The following VSTM2A variants were observed in gnomAD, a reference collection of about 807,000 sequenced individuals.
VSTM2A encodes the protein V-set and transmembrane domain containing 2A.
VSTM2A carries 13 observed loss-of-function variants against 27.3 expected under a neutral mutation model. That is an observed-to-expected ratio of 0.48 (90% CI 0.31 to 0.76). VSTM2A has a LOEUF of 0.76. Among genes scored for constraint, VSTM2A ranks in the 30% least tolerant of loss-of-function variants. The pLI, the probability that VSTM2A is intolerant of heterozygous loss-of-function variation, is 0.05. For missense variants in VSTM2A, 280 were observed against 310.0 expected (o/e 0.90, Z 0.73); for synonymous variants, 142 against 125.7 (o/e 1.13, Z -0.87).
intron 4 of VSTM2A, chr7:54,559,503 G>A (rs996723389): frequency 8.6e-5 from 13 of 152,028 alleles, no homozygotes; most frequent in African/African-American, 2.7e-4. Flanking sequence ...CATCATAAAG[G>A]TTACAGTGAA....
Position 54,542,764 on chromosome 7 carries a change from G to A in VSTM2A, c.34G>A (p.Val12Ile). The change falls in exon 1 of 5, where the codon GTT (valine) becomes ATT (isoleucine). Residue 12 changes from valine (V) to isoleucine (I), a missense_variant. Val to Ile is a conservative substitution (Grantham distance 29). Coordinates refer to ENST00000402613, the MANE Select transcript of VSTM2A (RefSeq NM_001301009.2). The part of the protein sequence containing the change: ...MGIFLVYVGF[V>I]FFSVLYVQQG... The stretch of plus-strand genomic sequence containing the variant: ...GATCTTTTTGGTGTATGTTGGATTT[G>A]TTTTCTTTTCCGTTTTATATGTACA... 1 of 1,613,764 alleles carries A rather than the reference G, an allele frequency of 6.2e-7. No homozygotes were observed. Among genetic ancestry groups the A allele is most frequent in the Non-Finnish European group, 8.5e-7 (1 of 1,179,818 alleles).
intron 3 of VSTM2A, chr7:54,547,230 G>A: frequency 2.2e-6 from 1 of 447,142 alleles, no homozygotes; most frequent in South Asian, 5.3e-5. Context: ...TATCCAGAGA[G>A]GTTGTGTGAC....
chr7:54,568,350 A>G (rs1249813480), intron 4 of VSTM2A, among the ~76,000 whole-genome samples: 1 of 152,194 alleles, frequency 6.6e-6, no homozygotes, highest in Non-Finnish European at 1.5e-5. Flanking sequence ...TTTGATCCTC[A>G]TCACATTTTT....
In VSTM2A at chr7:54,569,442, A is replaced by C; in HGVS notation, c.*223A>C. 1.4e-6 allele frequency: 1 copy of C among 701,798 alleles called. No individual in the cohort carries two copies. The highest frequency in any genetic ancestry group is 3.0e-5 in the East Asian group (1 of 33,398). 43.5% of individuals were successfully genotyped at this position (701,798 alleles called of 1,614,324 possible). On this transcript the variant is annotated 3_prime_UTR_variant, in exon 5 of 5. Transcript: ENST00000402613. ...AAGGGTTGGCCTGAATGTCATCAGG[A>C]TAGGGAATATTTACTATGGATACCA...
intron 3 of VSTM2A, among the ~76,000 whole-genome samples, chr7:54,548,074 A>G (rs1487295167): frequency 6.6e-6 from 1 of 152,184 alleles, no homozygotes; most frequent in Non-Finnish European, 1.5e-5. Flanking sequence ...GAAAAGCTTT[A>G]TTGGTAAAAT....
chr7:54,556,140 T>C lies in VSTM2A; in HGVS notation c.634+5970T>C, dbSNP rs139901967. The stretch of plus-strand genomic sequence containing the variant: ...TAGAGGCTCTGTTCTGTTGCTCTTA[T>C]TGTTTCCAATGTTGGGATGGACTTT... On this transcript the variant is annotated intron_variant, in intron 4 of 4. Transcript: ENST00000402613. Among the ~76,000 whole-genome samples the C allele has an allele frequency of 3.4e-3, 514 of 152,318 alleles. 2 individuals carry two copies. Among genetic ancestry groups the C allele is most frequent in the African/African-American group, 0.011 (466 of 41,562 alleles).
intron 4 of VSTM2A, 57 bp from the exon 5 acceptor site, chr7:54,569,074 G>T: frequency 6.2e-7 from 1 of 1,605,568 alleles, no homozygotes; most frequent in Non-Finnish European, 8.5e-7. Context: ...TGTGAAGGGT[G>T]CTTTGCTTTA....
chr7:54,567,372 G>A (rs1788755989), intron 4 of VSTM2A, among the ~76,000 whole-genome samples: 1 of 152,070 alleles, frequency 6.6e-6, no homozygotes, highest in Non-Finnish European at 1.5e-5. Flanking sequence ...TGCATAATTG[G>A]GTTTCTTTTT....
At chr7:54,548,565 C>T (rs990881151) in intron 3 of VSTM2A, among the ~76,000 whole-genome samples, 1 of 152,078 alleles carries the variant, frequency 6.6e-6, no homozygotes, top group African/African-American at 2.4e-5. Flanking sequence ...AAATCACTGA[C>T]CCAAACACCC....
intron 4 of VSTM2A, among the ~76,000 whole-genome samples, chr7:54,557,540 G>A (rs941439200): frequency 6.6e-6 from 1 of 151,868 alleles, no homozygotes. Flanking sequence ...CACCATGTTG[G>A]CCAGGCTGGT....
intron 1 of VSTM2A, among the ~76,000 whole-genome samples, chr7:54,543,236 G>A (rs1787842259): frequency 4.6e-5 from 7 of 152,070 alleles, no homozygotes; most frequent in Admixed American, 4.6e-4. Context: ...TTGTAGGTCC[G>A]TGTGACTCCT....
intron 4 of VSTM2A, among the ~76,000 whole-genome samples, chr7:54,557,668 A>C (rs1417988857): frequency 1.3e-5 from 2 of 152,134 alleles, no homozygotes; most frequent in Admixed American, 6.6e-5. Flanking sequence ...ACTATACTAT[A>C]ATCCTCACAG....
chr7:54,555,354 A>G (rs2115854360), intron 4 of VSTM2A, among the ~76,000 whole-genome samples: 1 of 152,302 alleles, frequency 6.6e-6, no homozygotes, highest in Non-Finnish European at 1.5e-5. Flanking sequence ...GTCTAACTCC[A>G]GCCTTGTTTC....
At chr7:54,551,333 A>G (rs1233473250) in intron 4 of VSTM2A, 1 of 152,188 alleles carries the variant, frequency 6.6e-6, no homozygotes, top group East Asian at 1.9e-4. Context: ...GTTTTCTCTT[A>G]ATGCTTTACT....
intron 1 of VSTM2A, 144 bp downstream of exon 1, chr7:54,542,953 ATT>A: frequency 1.3e-6 from 1 of 769,444 alleles, no homozygotes; most frequent in South Asian, 1.8e-5. Context: ...CTGTTTGACG[ATT>A]TTTTTTAAAG....
At chr7:54,547,176 AT>A in intron 3 of VSTM2A, 179 bp downstream of exon 3, 1 of 589,664 alleles carries the variant, frequency 1.7e-6, no homozygotes, top group Non-Finnish European at 2.7e-6. Context: ...AAAATTACAT[AT>A]TTTAGTCACG....
intron 4 of VSTM2A, among the ~76,000 whole-genome samples, chr7:54,560,473 G>C (rs1788521326): frequency 1.3e-5 from 2 of 152,108 alleles, no homozygotes; most frequent in Admixed American, 1.3e-4. Context: ...CTGTCAATGA[G>C]ATGACTCACA....
In VSTM2A at chr7:54,563,123, G is replaced by T. The variant is rs528933596; in HGVS notation, c.635-6008G>T. Among the ~76,000 whole-genome samples the T allele has an allele frequency of 7.2e-5, 11 of 152,180 alleles. No homozygotes were observed. The Middle Eastern group carries it at 0.01, about 141-fold the overall frequency. On this transcript the variant is annotated intron_variant, in intron 4 of 4. Coordinates refer to ENST00000402613, the MANE Select transcript of VSTM2A (RefSeq NM_001301009.2). ...TTTATATTGTTCTCCTTTGGATTTT[G>T]CCAAAGCCATTCATATCTCTATATA...
intron 2 of VSTM2A, 130 bp downstream of exon 2, chr7:54,544,918 AC>A: frequency 3.5e-6 from 4 of 1,144,424 alleles, no homozygotes; most frequent in Non-Finnish European, 4.8e-6. Flanking sequence ...GAAGCGAGTG[AC>A]CCCCAGGGCT....
Sources: allele counts gnomAD v4.1 joint callset (sites outside exome capture counted in the v4.1 genomes callset), GRCh38; gene constraint gnomAD v4.1.1; transcripts MANE v1.5; gene names NCBI Gene and HGNC (gene_info 2026-07-23, HGNC 2026-07-21).